The following NTAQ1 variants were observed in gnomAD, a reference collection of about 807,000 sequenced individuals.
NTAQ1 encodes the protein protein N-terminal glutamine amidohydrolase.
A neutral mutation model predicts 28.2 loss-of-function variants in NTAQ1; 21 were observed. The ratio of observed to expected loss-of-function variants is 0.74; its 90% CI spans 0.53 to 1.07. The LOEUF is 1.07. Among genes scored for constraint, NTAQ1 ranks in the 50% least tolerant of loss-of-function variants. NTAQ1 has a pLI of 0.00. For synonymous variants in NTAQ1, 105 were observed against 90.0 expected, an observed-to-expected ratio of 1.17 and a Z score of -0.94; for missense variants, 264 against 256.6, an observed-to-expected ratio of 1.03 and a Z score of -0.20.
intron 1 of NTAQ1, among the ~76,000 whole-genome samples, chr8:123,423,084 G>A (rs1015256345): frequency 2.0e-5 from 3 of 152,156 alleles, no homozygotes; most frequent in Non-Finnish European, 2.9e-5. Flanking sequence ...GTAGTGTGAC[G>A]CCTACAGCTT....
chr8:123,426,405 C>T (rs1293422285), intron 1 of NTAQ1, among the ~76,000 whole-genome samples: 1 of 152,214 alleles, frequency 6.6e-6, no homozygotes, highest in Non-Finnish European at 1.5e-5. Context: ...CACAGTGGCT[C>T]ATACCTGTAA....
the NTAQ1 span, among the ~76,000 whole-genome samples, chr8:123,475,262 T>C: frequency 4.6e-5 from 7 of 152,198 alleles, no homozygotes; most frequent in African/African-American, 7.2e-5. Flanking sequence ...CTTTCTTGCT[T>C]TTTGATGCTT....
At chr8:123,445,299 A>G (rs545983698), downstream of NTAQ1, among the ~76,000 whole-genome samples, 85 of 151,094 alleles carry the variant, frequency 5.6e-4, no homozygotes, top group African/African-American at 2.0e-3. Flanking sequence ...GTAGCATCCT[A>G]AACATATTGT....
intron 1 of NTAQ1, among the ~76,000 whole-genome samples, chr8:123,418,459 AAAAAT>A (rs1813449822): frequency 6.9e-6 from 1 of 145,768 alleles, no homozygotes; most frequent in Non-Finnish European, 1.5e-5. Context: ...AAAAAAAAAA[AAAAAT>A]AAAAAGCCAA....
chr8:123,428,398 A>G (rs891270462), intron 2 of NTAQ1, among the ~76,000 whole-genome samples: 5 of 151,960 alleles, frequency 3.3e-5, no homozygotes, highest in African/African-American at 4.8e-5. Context: ...GGGTTTTGCT[A>G]TGTTGGCCAG....
chr8:123,422,979 G>A (rs1813800968), intron 1 of NTAQ1, among the ~76,000 whole-genome samples: 2 of 152,014 alleles, frequency 1.3e-5, no homozygotes, highest in Admixed American at 1.3e-4. Context: ...TTATTTCTGG[G>A]TTCTCTAACC....
rs1043167312 is a variant in NTAQ1, at chr8:123,441,951, G to A, written c.*536G>A. ...GGACTATGGTATTGTTAAAAAGACT[G>A]CAGCCCTCTCAGACTTGAGCGTTAA... On this transcript the variant is annotated 3_prime_UTR_variant, in exon 6 of 6. Coordinates refer to ENST00000287387, the MANE Select transcript of NTAQ1 (RefSeq NM_018024.3). 2 of 152,854 alleles carry A rather than the reference G, an allele frequency of 1.3e-5. No homozygotes were observed. The allele number at this position is 152,854 out of a possible 1,614,324, so 9.5% of individuals were successfully genotyped here. A position where few individuals can be genotyped will look rare whatever the true frequency, so the allele number is the denominator to read the frequency against.
chr8:123,447,342 G>GT (rs35522766), intron 6 of NTAQ1, among the ~76,000 whole-genome samples: 54,432 of 151,504 alleles, frequency 0.36, 9,823 homozygotes, highest in East Asian at 0.56. Context: ...ATATGAACGT[G>GT]TTCTTTTTTA....
At chr8:123,469,553 A>G (rs1191161715) in exon 7 of NTAQ1, among the ~76,000 whole-genome samples, 2 of 152,228 alleles carry the variant, frequency 1.3e-5, no homozygotes, top group Non-Finnish European at 2.9e-5. Context: ...AAATAACAGA[A>G]TTCTTCTTTT....
downstream of NTAQ1, among the ~76,000 whole-genome samples, chr8:123,445,517 CT>C (rs549554768): frequency 3.8e-3 from 520 of 137,170 alleles, 2 homozygotes; most frequent in Non-Finnish European, 6.3e-3. Flanking sequence ...TTGTTTTTTG[CT>C]TCTTGGTGTG....
downstream of NTAQ1, among the ~76,000 whole-genome samples, chr8:123,443,609 C>T (rs1251664129): frequency 6.6e-6 from 1 of 152,182 alleles, no homozygotes; most frequent in Admixed American, 6.5e-5. Flanking sequence ...CTCTCTTGCT[C>T]TGTCACCGAG....
intron 1 of NTAQ1, among the ~76,000 whole-genome samples, chr8:123,418,146 C>A (rs1207125877): frequency 6.6e-6 from 1 of 152,164 alleles, no homozygotes; most frequent in Non-Finnish European, 1.5e-5. Context: ...TTGGTTCTTT[C>A]ATTTTGAGAG....
At chr8:123,450,086 T>A (rs1254208885), downstream of NTAQ1, among the ~76,000 whole-genome samples, 1 of 149,402 alleles carries the variant, frequency 6.7e-6, no homozygotes, top group Non-Finnish European at 1.5e-5. Flanking sequence ...ATGATATCAT[T>A]GAGAGAATGT....
At chr8:123,440,145 C>CTTT (rs1814964102) in intron 5 of NTAQ1, among the ~76,000 whole-genome samples, 13 of 85,048 alleles carry the variant, frequency 1.5e-4, no homozygotes, top group Non-Finnish European at 2.1e-4. Context: ...AGGATTAACT[C>CTTT]CTTTTTTTTT....
chr8:123,452,192 C>T (rs187478305), downstream of NTAQ1, among the ~76,000 whole-genome samples: 38 of 152,350 alleles, frequency 2.5e-4, no homozygotes, highest in Middle Eastern at 3.4e-3. Context: ...GCTGACCACT[C>T]AGCCTAGCAC....
At chr8:123,465,415 T>C (rs548598327) in intron 6 of NTAQ1, among the ~76,000 whole-genome samples, 2 of 152,178 alleles carry the variant, frequency 1.3e-5, no homozygotes, top group Non-Finnish European at 2.9e-5. Context: ...AACTCCCTCA[T>C]ACTAAAGCTT....
downstream of NTAQ1, among the ~76,000 whole-genome samples, chr8:123,449,526 G>A (rs980984488): frequency 3.2e-4 from 48 of 152,210 alleles, no homozygotes; most frequent in African/African-American, 1.0e-3. Flanking sequence ...GACCTCTACT[G>A]TTGCTGTATC....
chr8:123,445,459 T>C (rs1000675793), downstream of NTAQ1, among the ~76,000 whole-genome samples: 1 of 152,224 alleles, frequency 6.6e-6, no homozygotes, highest in Non-Finnish European at 1.5e-5. Flanking sequence ...AAAGGCTACA[T>C]TGTATTCTGC....
intron 1 of NTAQ1, among the ~76,000 whole-genome samples, chr8:123,424,854 G>A (rs375598295): frequency 1.3e-5 from 2 of 152,148 alleles, no homozygotes; most frequent in East Asian, 1.9e-4. Flanking sequence ...TGCCAGTTAT[G>A]GATTTGTATG....
Sources: allele counts gnomAD v4.1 joint callset (sites outside exome capture counted in the v4.1 genomes callset), GRCh38; gene constraint gnomAD v4.1.1; transcripts MANE v1.5; gene names NCBI Gene and HGNC (gene_info 2026-07-23, HGNC 2026-07-21).